The following HNRNPUL1 variants were observed in gnomAD, a reference collection of about 807,000 sequenced individuals.
The protein encoded by HNRNPUL1 is heterogeneous nuclear ribonucleoprotein U-like protein 1.
In HNRNPUL1, 14 loss-of-function variants were observed where a neutral mutation model predicts 108.5. That is an observed-to-expected ratio of 0.13 (90% confidence interval 0.09 to 0.20). The LOEUF (loss-of-function observed/expected upper bound fraction) is 0.20. HNRNPUL1 is among the 10% of genes least tolerant of loss of function. The pLI is 1.00. For synonymous variants in HNRNPUL1, 422 were observed against 445.2 expected (o/e 0.95, Z 0.66); for missense variants, 804 against 1,168.3 (o/e 0.69, Z 4.55).
chr19:41,276,553 T>G (rs2035569999), intron 5 of HNRNPUL1: 2 of 375,160 alleles, frequency 5.3e-6, no homozygotes, highest in Non-Finnish European at 9.7e-6. Context: ...TATTATGTAG[T>G]CAACCAGTGT....
chr19:41,306,455 C>G lies in HNRNPUL1; in HGVS notation c.2461C>G (p.Gln821Glu). Reference protein sequence around the residue: ...PSYNQYQQYAQQWNQYYQNQG... With the variant: ...PSYNQYQQYAEQWNQYYQNQG... ...TCTTGGTTTCTTTCCCCAGTATGCC[C>G]AGCAGTGGAACCAGTACTATCAGAA... Residue 821 changes from glutamine to glutamate, a missense_variant, in exon 15 of 15, where the codon CAG (glutamine) becomes GAG (glutamate). Physicochemically the swap from Gln to Glu is conservative, Grantham distance 29 (BLOSUM62 2). Around this residue, in one of 4 missense-constraint regions of HNRNPUL1, gnomAD observed 294 missense variants for 388.3 expected, o/e 0.76. Coordinates refer to ENST00000392006, the MANE Select transcript of HNRNPUL1 (RefSeq NM_007040.6). 6.3e-7 allele frequency: 1 copy of G among 1,581,072 alleles called. No individual in the cohort carries two copies. The highest frequency in any genetic ancestry group is 8.6e-7 in the Non-Finnish European group (1 of 1,166,516).
intron 13 of HNRNPUL1, 131 bp from the exon 14 acceptor site, chr19:41,305,545 A>G (rs2037492568): frequency 1.3e-5 from 14 of 1,109,944 alleles, no homozygotes; most frequent in South Asian, 8.4e-5. Context: ...CCCACAAACA[A>G]TGTCCACTAG....
At chr19:41,296,455 A>C (rs1023004486) in intron 10 of HNRNPUL1, among the ~76,000 whole-genome samples, 4 of 152,202 alleles carry the variant, frequency 2.6e-5, no homozygotes, top group African/African-American at 7.2e-5. Context: ...CAGAGAACCT[A>C]AACTCTGAAG....
In HNRNPUL1 at chr19:41,302,755, A is replaced by T. The variant is rs2037304358; in HGVS notation, c.1778A>T (p.Gln593Leu). ...GAGGAAGCGGACAAGCTAGTGAGGCAGTACAACGAGGAAGGCCGCAAGGCT... is the reference window on the plus strand; with the variant it reads ...GAGGAAGCGGACAAGCTAGTGAGGCTGTACAACGAGGAAGGCCGCAAGGCT... The part of the protein sequence containing the change: ...QREEADKLVR[Q>L]YNEEGRKAGP... Residue 593 changes from glutamine to leucine, a missense_variant, in exon 12 of 15, where the codon CAG becomes CTG. Transcript: ENST00000392006. The T allele has an allele frequency of 6.2e-7, 1 of 1,613,936 alleles. No homozygotes were observed. The highest frequency in any genetic ancestry group is 8.5e-7 in the Non-Finnish European group (1 of 1,179,930).
intron 13 of HNRNPUL1, among the ~76,000 whole-genome samples, chr19:41,305,129 A>G (rs919189792): frequency 5.9e-5 from 9 of 152,144 alleles, no homozygotes; most frequent in African/African-American, 1.9e-4. Context: ...CAGAAATTTC[A>G]TCTTGAGCCT....
chr19:41,305,701 A>G lies in HNRNPUL1; in HGVS notation c.2288A>G (p.Asn763Ser). 1 of 1,613,966 alleles carries G rather than the reference A, an allele frequency of 6.2e-7. No individual in the cohort carries two copies. Among genetic ancestry groups the G allele is most frequent in the Non-Finnish European group, 8.5e-7 (1 of 1,179,960 alleles). Residue 763 changes from asparagine to serine, a missense_variant, in exon 14 of 15, where the codon AAC (asparagine) becomes AGC (serine). Asn to Ser is a conservative substitution (Grantham distance 46). Coordinates refer to ENST00000392006, the MANE Select transcript of HNRNPUL1 (RefSeq NM_007040.6). ...CCGAGTTACAGCCAGCCACCCTACA[A>G]CCAGGGAGGTTACAGCCAGGGCTAC... ...PQPSYSQPPYNQGGYSQGYTA... is the reference protein window; with the variant it reads ...PQPSYSQPPYSQGGYSQGYTA...
chr19:41,271,500 GA>G (rs2035236328), intron 2 of HNRNPUL1, among the ~76,000 whole-genome samples: 1 of 152,304 alleles, frequency 6.6e-6, no homozygotes, highest in African/African-American at 2.4e-5. Context: ...GAGTAGATGT[GA>G]ATGAGCTTCA....
chr19:41,276,070 T>G, intron 4 of HNRNPUL1, 89 bp from the exon 5 acceptor site: 1 of 1,572,352 alleles, frequency 6.4e-7, no homozygotes, highest in Non-Finnish European at 8.7e-7. Flanking sequence ...ACCATTGCAC[T>G]CCAGCCTGGG....
intron 10 of HNRNPUL1, among the ~76,000 whole-genome samples, chr19:41,295,896 G>A (rs148995733): frequency 4.8e-4 from 73 of 152,320 alleles, no homozygotes; most frequent in South Asian, 1.2e-3. Flanking sequence ...AAAGCCATCC[G>A]TGGTTATCCC....
chr19:41,275,469 C>CA (rs1294990149), intron 4 of HNRNPUL1, among the ~76,000 whole-genome samples: 2 of 151,698 alleles, frequency 1.3e-5, no homozygotes, highest in African/African-American at 4.8e-5. Flanking sequence ...GCCTGGGTGA[C>CA]AAAGCGAGAC....
chr19:41,276,510 A>G (rs760023830), intron 5 of HNRNPUL1: 1 of 477,926 alleles, frequency 2.1e-6, no homozygotes, highest in South Asian at 3.6e-5. Context: ...TGCTTCATCA[A>G]GCAGATATTT....
chr19:41,279,875 T>C (rs1014918283), intron 6 of HNRNPUL1, among the ~76,000 whole-genome samples: 4 of 152,254 alleles, frequency 2.6e-5, no homozygotes, highest in African/African-American at 9.6e-5. Flanking sequence ...CATTTATTTT[T>C]TTGTACATCT....
chr19:41,263,170 G>A (rs145548597), upstream of HNRNPUL1, among the ~76,000 whole-genome samples: 11 of 152,242 alleles, frequency 7.2e-5, no homozygotes, highest in East Asian at 2.1e-3. Flanking sequence ...GCTTTTGCGG[G>A]CTTAACGTGT....
rs143909179 is a variant in HNRNPUL1 at position 41,302,898 on chromosome 19, G to A, written c.1921G>A (p.Gly641Ser). ...AGGACCCCCTGGAGGCAACCGTGGC[G>A]GCTTCCAGAACCGAGGGGGAGGCAG... is the stretch of plus-strand genomic sequence containing the variant. ...NRGPPGGNRG[G>S]FQNRGGGSGG... The change falls in exon 12 of 15, where the codon GGC becomes AGC. Residue 641 changes from glycine to serine, a missense_variant. This residue lies in a region of HNRNPUL1 where 294 missense variants were observed against 388.3 expected (regional missense o/e 0.76). Transcript: ENST00000392006. The A allele has an allele frequency of 2.8e-5, 43 of 1,541,030 alleles. No individual in the cohort carries two copies. The East Asian group carries it at 4.1e-4, about 15-fold the overall frequency.
At chr19:41,287,714 C>G (rs1227481087) in intron 7 of HNRNPUL1, among the ~76,000 whole-genome samples, 1 of 151,940 alleles carries the variant, frequency 6.6e-6, no homozygotes, top group South Asian at 2.1e-4. Context: ...TACGCGCCAC[C>G]ACACCTGGCT....
At chr19:41,277,219 G>C (rs1170964205) in intron 5 of HNRNPUL1, among the ~76,000 whole-genome samples, 1 of 152,010 alleles carries the variant, frequency 6.6e-6, no homozygotes, top group Non-Finnish European at 1.5e-5. Context: ...TTTCTTACCT[G>C]TGGTTTGTGT....
At chr19:41,270,796 C>T (rs1165656057) in intron 2 of HNRNPUL1, among the ~76,000 whole-genome samples, 4 of 151,916 alleles carry the variant, frequency 2.6e-5, no homozygotes, top group African/African-American at 7.3e-5. Context: ...GGGGTTTCAC[C>T]ATGTTGGCCA....
intron 14 of HNRNPUL1, 124 bp from the exon 15 acceptor site, chr19:41,306,325 A>G (rs2037544991): frequency 3.2e-6 from 2 of 632,530 alleles, no homozygotes; most frequent in Admixed American, 2.8e-5. Context: ...TTTCTCTGTC[A>G]GGGGACCTGT....
intron 13 of HNRNPUL1, among the ~76,000 whole-genome samples, chr19:41,305,402 G>A (rs758478951): frequency 5.9e-5 from 9 of 152,208 alleles, no homozygotes; most frequent in Non-Finnish European, 1.0e-4. Flanking sequence ...AAAGAAAACT[G>A]AGATTTCAAG....
Sources: allele counts gnomAD v4.1 joint callset (sites outside exome capture counted in the v4.1 genomes callset), GRCh38; gene constraint gnomAD v4.1.1; regional missense constraint gnomAD v4.1.1; transcripts MANE v1.5; gene names NCBI Gene and HGNC (gene_info 2026-07-23, HGNC 2026-07-21).